Variants in ZNF407 observed in about 807,000 individuals in gnomAD.
The protein encoded by ZNF407 is zinc finger protein 407.
Under a neutral mutation model 131.2 loss-of-function variants are expected in ZNF407, and 17 were observed. The observed-to-expected ratio is 0.13, with a 90% CI of 0.09 to 0.19. ZNF407 has a LOEUF of 0.19. Among genes scored for constraint, ZNF407 ranks in the 10% least tolerant of loss-of-function variants. The pLI is 1.00. For synonymous variants in ZNF407, 1,156 were observed against 1,062.0 expected (o/e 1.09, Z -1.72); for missense variants, 2,681 against 2,830.6 (o/e 0.95, Z 1.20).
chr18:74,769,039 A>T (rs1272322821), intron 3 of ZNF407, among the ~76,000 whole-genome samples: 1 of 152,058 alleles, frequency 6.6e-6, no homozygotes, highest in Admixed American at 6.5e-5. Flanking sequence ...GCAGTGGGCT[A>T]ACAATTCCAG....
intron 4 of ZNF407, among the ~76,000 whole-genome samples, chr18:74,865,500 C>G (rs1210694700): frequency 6.6e-6 from 1 of 152,054 alleles, no homozygotes; most frequent in East Asian, 1.9e-4. Flanking sequence ...ATTTTATCAC[C>G]TACATCCTTC....
At chr18:74,813,955 G>A (rs991425392) in intron 4 of ZNF407, among the ~76,000 whole-genome samples, 1 of 152,148 alleles carries the variant, frequency 6.6e-6, no homozygotes, top group Non-Finnish European at 1.5e-5. Context: ...AAGTGGAATA[G>A]TAGAAGGAAA....
chr18:74,951,178 A>G (rs1972209659), intron 8 of ZNF407, among the ~76,000 whole-genome samples: 1 of 152,176 alleles, frequency 6.6e-6, no homozygotes, highest in African/African-American at 2.4e-5. Flanking sequence ...AATGTACTGA[A>G]CTTTTCTTTT....
chr18:74,856,365 C>T (rs1970858986), intron 4 of ZNF407, among the ~76,000 whole-genome samples: 1 of 152,154 alleles, frequency 6.6e-6, no homozygotes, highest in Admixed American at 6.6e-5. Flanking sequence ...TTATTTTTTC[C>T]TCTCACGCTA....
chr18:74,893,741 A>G (rs1971418306), intron 7 of ZNF407, among the ~76,000 whole-genome samples: 1 of 152,176 alleles, frequency 6.6e-6, no homozygotes, highest in African/African-American at 2.4e-5. Flanking sequence ...AGATGATCAC[A>G]TATTTCCTAA....
chr18:74,647,886 C>T (rs962858215), intron 3 of ZNF407, among the ~76,000 whole-genome samples: 6 of 152,078 alleles, frequency 3.9e-5, no homozygotes, highest in Non-Finnish European at 8.8e-5. Flanking sequence ...AATCTTTTCT[C>T]ACAGGAGGGT....
intron 7 of ZNF407, among the ~76,000 whole-genome samples, chr18:74,919,941 A>T (rs73971305): frequency 4.3e-4 from 66 of 152,158 alleles, no homozygotes; most frequent in African/African-American, 1.5e-3. Context: ...CCATGCCATC[A>T]CTCTTATCAC....
chr18:75,016,509 A>AACTAC (rs1555709880), intron 8 of ZNF407, among the ~76,000 whole-genome samples: 1 of 151,060 alleles, frequency 6.6e-6, no homozygotes, highest in Non-Finnish European at 1.5e-5. Context: ...TGCCATATTG[A>AACTAC]ACTGCACTGC....
intron 4 of ZNF407, among the ~76,000 whole-genome samples, chr18:74,875,524 G>A (rs1192757310): frequency 6.6e-6 from 1 of 152,146 alleles, no homozygotes; most frequent in Non-Finnish European, 1.5e-5. Context: ...GTTTCTTGTA[G>A]GAGAAGGTTA....
chr18:74,836,904 A>G (rs930320823), intron 4 of ZNF407, among the ~76,000 whole-genome samples: 1 of 152,042 alleles, frequency 6.6e-6, no homozygotes, highest in Non-Finnish European at 1.5e-5. Flanking sequence ...CACCGACCCC[A>G]CTTGCCCTGG....
At chr18:74,878,017 A>G (rs886868428) in intron 5 of ZNF407, among the ~76,000 whole-genome samples, 4 of 152,182 alleles carry the variant, frequency 2.6e-5, no homozygotes, top group African/African-American at 4.8e-5. Flanking sequence ...AATTTCCGCT[A>G]ATTGGTATGT....
chr18:74,652,050 A>C (rs1351345415), intron 3 of ZNF407, among the ~76,000 whole-genome samples: 1 of 152,144 alleles, frequency 6.6e-6, no homozygotes, highest in African/African-American at 2.4e-5. Flanking sequence ...CTTCATGGAA[A>C]GTTTGCTCAA....
intron 3 of ZNF407, among the ~76,000 whole-genome samples, chr18:74,720,836 G>A (rs141129843): frequency 6.6e-6 from 1 of 151,620 alleles, no homozygotes; most frequent in East Asian, 1.9e-4. Flanking sequence ...TGTTCCATTG[G>A]TCTGTGTGTC....
chr18:74,945,042 A>G (rs1972140006), intron 8 of ZNF407, among the ~76,000 whole-genome samples: 1 of 152,188 alleles, frequency 6.6e-6, no homozygotes, highest in Non-Finnish European at 1.5e-5. Flanking sequence ...TTGCCTGAAT[A>G]TACCCACAGT....
chr18:74,762,700 CTTTTT>C, intron 3 of ZNF407, among the ~76,000 whole-genome samples: 1 of 146,198 alleles, frequency 6.8e-6, no homozygotes, highest in Admixed American at 6.8e-5. Flanking sequence ...TCTTGTCAGT[CTTTTT>C]TTTTTTAAAA....
At chr18:75,009,367 G>T (rs987080945) in intron 8 of ZNF407, among the ~76,000 whole-genome samples, 1 of 152,214 alleles carries the variant, frequency 6.6e-6, no homozygotes, top group South Asian at 2.1e-4. Context: ...TTTATAAAAG[G>T]TAGCCCTTAT....
At chr18:75,053,190 A>G (rs1256157707) in intron 8 of ZNF407, among the ~76,000 whole-genome samples, 1 of 152,132 alleles carries the variant, frequency 6.6e-6, no homozygotes, top group African/African-American at 2.4e-5. Flanking sequence ...AGAATGACGC[A>G]CTGTTCCCTC....
Position 74,781,450 on chromosome 18 carries a change from C to G in ZNF407, c.4825C>G (p.His1609Asp). 1 of 1,542,076 alleles carries G rather than the reference C, an allele frequency of 6.5e-7. No individual in the cohort carries two copies. The highest frequency in any genetic ancestry group is 8.7e-7 in the Non-Finnish European group (1 of 1,143,968). ...TAGGGTTGCTTTTGTAATGAAGAAG[C>G]ACTTAAATACTCATCTACTAGGCAA... Reference protein sequence around the residue: ...VCGVAFVMKKHLNTHLLGKHG... With the variant: ...VCGVAFVMKKDLNTHLLGKHG... The change falls in exon 4 of 9, where the codon CAC (histidine) becomes GAC (aspartate). Residue 1609 changes from histidine (H) to aspartate (D), a missense_variant. His to Asp is a moderately conservative substitution (Grantham distance 81). Transcript: ENST00000299687.
chr18:75,000,491 A>G (rs1972832606), intron 8 of ZNF407, among the ~76,000 whole-genome samples: 1 of 152,216 alleles, frequency 6.6e-6, no homozygotes, highest in Non-Finnish European at 1.5e-5. Context: ...TGCTCCTCAA[A>G]CATCATCAGC....
Sources: allele counts gnomAD v4.1 joint callset (sites outside exome capture counted in the v4.1 genomes callset), GRCh38; gene constraint gnomAD v4.1.1; transcripts MANE v1.5; gene names NCBI Gene and HGNC (gene_info 2026-07-23, HGNC 2026-07-21).